The following AOAH variants were observed in gnomAD, a reference collection of about 807,000 sequenced individuals.
The protein encoded by AOAH is acyloxyacyl hydrolase (neutrophil).
Under a neutral mutation model 92.2 loss-of-function variants are expected in AOAH, and 64 were observed. That is an observed-to-expected ratio of 0.69 (90% CI 0.57 to 0.86). The LOEUF (loss-of-function observed/expected upper bound fraction) is 0.86. Among genes scored for constraint, AOAH ranks in the 40% least tolerant of loss-of-function variants. AOAH has a pLI of 0.00. For synonymous variants in AOAH, 263 were observed against 254.5 expected (o/e 1.03, Z -0.32); for missense variants, 656 against 694.6 (o/e 0.94, Z 0.62).
At chr7:36,563,203 C>T (rs899334512) in intron 13 of AOAH, among the ~76,000 whole-genome samples, 3 of 148,670 alleles carry the variant, frequency 2.0e-5, no homozygotes, top group African/African-American at 7.5e-5. Context: ...GAGTTTGCCC[C>T]ACCTTCCTGG....
At chr7:36,552,938 G>A (rs958701198) in intron 13 of AOAH, among the ~76,000 whole-genome samples, 1 of 151,472 alleles carries the variant, frequency 6.6e-6, no homozygotes. Flanking sequence ...ATTCCATGGT[G>A]TATATGCACC....
chr7:36,681,062 G>A (rs193168933), intron 2 of AOAH, among the ~76,000 whole-genome samples: 5 of 152,210 alleles, frequency 3.3e-5, no homozygotes, highest in East Asian at 3.9e-4. Flanking sequence ...GTTCACCTTC[G>A]GACGACGCAA....
At chr7:36,559,502 T>C (rs1252230070) in intron 13 of AOAH, among the ~76,000 whole-genome samples, 2 of 152,258 alleles carry the variant, frequency 1.3e-5, no homozygotes, top group African/African-American at 4.8e-5. Flanking sequence ...TGATTAGTGA[T>C]GTTGTGTCTT....
intron 1 of AOAH, 34 bp downstream of exon 1, chr7:36,723,988 T>C (rs965744336): frequency 6.2e-7 from 1 of 1,604,242 alleles, no homozygotes; most frequent in African/African-American, 1.3e-5. Context: ...TTGTTATGTC[T>C]ACATAGAAAA....
chr7:36,628,129 TG>T (rs1792809986), intron 6 of AOAH, among the ~76,000 whole-genome samples: 1 of 151,686 alleles, frequency 6.6e-6, no homozygotes, highest in South Asian at 2.1e-4. Context: ...CCGATGTGGG[TG>T]GAAGTAGCAG....
At chr7:36,609,945 T>G (rs1474845484) in intron 11 of AOAH, among the ~76,000 whole-genome samples, 1 of 151,998 alleles carries the variant, frequency 6.6e-6, no homozygotes, top group Non-Finnish European at 1.5e-5. Context: ...ACATTTTGTT[T>G]ACACTTGCCA....
intron 11 of AOAH, among the ~76,000 whole-genome samples, chr7:36,608,548 G>A (rs1008045345): frequency 1.6e-4 from 25 of 152,224 alleles, no homozygotes; most frequent in African/African-American, 5.8e-4. Flanking sequence ...TTTCTGACAA[G>A]GTAGCCATCA....
At chr7:36,656,269 C>T (rs138913726) in intron 4 of AOAH, among the ~76,000 whole-genome samples, 207 of 152,220 alleles carry the variant, frequency 1.4e-3, no homozygotes, top group Non-Finnish European at 2.3e-3. Context: ...AAGCCAGACA[C>T]AAAGGAGCAT....
chr7:36,691,400 T>C (rs1027221821), intron 1 of AOAH, among the ~76,000 whole-genome samples: 5 of 152,198 alleles, frequency 3.3e-5, no homozygotes, highest in Admixed American at 2.0e-4. Context: ...AAGATGCTAG[T>C]TACTCAGAGA....
chr7:36,724,302 C>G lies in AOAH; in HGVS notation c.-154G>C. The G allele has an allele frequency of 7.7e-6, 6 of 782,990 alleles. No homozygotes were observed. Among genetic ancestry groups the G allele is most frequent in the African/African-American group, 1.7e-5 (1 of 57,604 alleles). 48.5% of individuals were successfully genotyped at this position (782,990 alleles called of 1,614,324 possible). A position where few individuals can be genotyped will look rare whatever the true frequency, so the allele number is the denominator to read the frequency against. ...CCCACCCTCTCACATACACACTTTT[C>G]AATAAGTGTGAAGTGAATAAAAGCA... is the stretch of plus-strand genomic sequence containing the variant. On this transcript the variant is annotated 5_prime_UTR_variant, in exon 1 of 21. Transcript: ENST00000617537.
chr7:36,521,285 G>T (rs1784095614), intron 20 of AOAH, among the ~76,000 whole-genome samples: 1 of 152,194 alleles, frequency 6.6e-6, no homozygotes, highest in African/African-American at 2.4e-5. Flanking sequence ...TCCCCATAGA[G>T]GAGCAGCTTT....
chr7:36,691,918 T>C (rs1272078209), intron 1 of AOAH, among the ~76,000 whole-genome samples: 1 of 152,200 alleles, frequency 6.6e-6, no homozygotes, highest in Non-Finnish European at 1.5e-5. Flanking sequence ...AAAGGCCCCA[T>C]GACGGAAAAC....
rs1251828545 is a variant in AOAH at position 36,556,259 on chromosome 7, A to G, written c.1022-6784T>C. Among the ~76,000 whole-genome samples, 3 of 152,168 alleles carry G rather than the reference A, an allele frequency of 2.0e-5. No individual in the cohort carries two copies. The East Asian group carries it at 5.8e-4, about 29-fold the overall frequency. ...GTTATGTACCCAGTAGTCATTCAGA[A>G]GCAGGTTGTTCAGTTTCCATGTAGT... On this transcript the variant is annotated intron_variant, in intron 13 of 20. Transcript: ENST00000617537.
At chr7:36,657,010 C>A (rs1794933664) in intron 4 of AOAH, among the ~76,000 whole-genome samples, 1 of 151,860 alleles carries the variant, frequency 6.6e-6, no homozygotes, top group Admixed American at 6.6e-5. Context: ...CTGCTATATA[C>A]CACTGAAAAC....
chr7:36,530,569 G>C (rs903083710), intron 18 of AOAH, 55 bp from the exon 19 acceptor site: 1 of 1,198,770 alleles, frequency 8.3e-7, no homozygotes, highest in Non-Finnish European at 1.2e-6. Context: ...TGGCTTTAGT[G>C]AGACAATTCA....
At position 36,618,329 on chromosome 7, in the gene AOAH, T is replaced by A. The variant is rs2116011552; in HGVS notation, c.719A>T (p.Asp240Val). Residue 240 changes from aspartate (D) to valine (V), a missense_variant, in exon 10 of 21, where the codon GAT (aspartate) becomes GTT (valine). Coordinates refer to ENST00000617537, the MANE Select transcript of AOAH (RefSeq NM_001637.4). Reference sequence around the variant, plus strand: ...GAATTTCTTCTCATATGGAACTCCATCTTTTGGATCGACACCCTTTAAAAA... The same window carrying A: ...GAATTTCTTCTCATATGGAACTCCAACTTTTGGATCGACACCCTTTAAAAA... ...CNGIWGVDPK[D>V]GVPYEKKFCE... 2 of 1,614,082 alleles carry A rather than the reference T, an allele frequency of 1.2e-6. No homozygotes were observed. The highest frequency in any genetic ancestry group is 1.7e-6 in the Non-Finnish European group (2 of 1,179,950).
At position 36,719,476 on chromosome 7, in the gene AOAH, C is replaced by T. The variant is rs531248893; in HGVS notation, c.127+4546G>A. Among the ~76,000 whole-genome samples the T allele has an allele frequency of 5.3e-5, 8 of 152,216 alleles. No individual in the cohort carries two copies. The South Asian group carries it at 1.7e-3, about 32-fold the overall frequency. On this transcript the variant is annotated intron_variant, in intron 1 of 20. Transcript: ENST00000617537. ...ATGAAACCCAACTAGTTCAGTTGAT[C>T]TTGAAGAAAAATAGGAAGGAAGAAC...
At chr7:36,720,710 A>G (rs1799568407) in intron 1 of AOAH, among the ~76,000 whole-genome samples, 1 of 152,214 alleles carries the variant, frequency 6.6e-6, no homozygotes. Context: ...ACAAGGCTCC[A>G]GGTTTTCGTT....
Position 36,513,044 on chromosome 7 carries a change from C to T in AOAH, c.*208G>A. 1 of 1,538,336 alleles carries T rather than the reference C, an allele frequency of 6.5e-7. No individual in the cohort carries two copies. The highest frequency in any genetic ancestry group is 8.7e-7 in the Non-Finnish European group (1 of 1,147,394). On this transcript the variant is annotated 3_prime_UTR_variant, in exon 21 of 21. Transcript: ENST00000617537. ...ACTTTATGAAAGGTTATTTCAGGAA[C>T]AGCGGAAGGGTTACTGATCCCGGGA... is the stretch of plus-strand genomic sequence containing the variant.
Sources: allele counts gnomAD v4.1 joint callset (sites outside exome capture counted in the v4.1 genomes callset), GRCh38; gene constraint gnomAD v4.1.1; transcripts MANE v1.5; gene names NCBI Gene and HGNC (gene_info 2026-07-23, HGNC 2026-07-21).